The following MAPK12 variants were observed in gnomAD, a reference collection of about 807,000 sequenced individuals.
MAPK12 encodes the protein MAP kinase 12.
A neutral mutation model predicts 49.1 loss-of-function variants in MAPK12; 49 were observed. That is an observed-to-expected ratio of 1.00 (90% CI 0.79 to 1.27). The LOEUF (loss-of-function observed/expected upper bound fraction) is 1.27, where lower values mean the gene tolerates loss of function less well. Among genes scored for constraint, MAPK12 ranks in the 50% most tolerant of loss-of-function variants. The probability of loss-of-function intolerance (pLI) is 0.00; values close to 1 mark genes in which losing one functional copy is unlikely to be tolerated. For missense variants in MAPK12, 554 were observed against 502.4 expected (o/e 1.10, Z -0.98); for synonymous variants, 251 against 209.7 (o/e 1.20, Z -1.70).
chr22:50,255,639 A>C lies in MAPK12; in HGVS notation c.747T>G (p.Phe249Leu), dbSNP rs1249910714. The C allele has an allele frequency of 6.6e-7, 1 of 1,511,294 alleles. No individual in the cohort carries two copies. Among genetic ancestry groups the C allele is most frequent in the Non-Finnish European group, 8.9e-7 (1 of 1,126,242 alleles). The allele number at this position is 1,511,294 out of a possible 1,614,324, so 93.6% of individuals were successfully genotyped here. A position where few individuals can be genotyped will look rare whatever the true frequency, so the allele number is the denominator to read the frequency against. Reference protein sequence around the residue: ...MKVTGTPPAEFVQRLQSDEAK... With the variant: ...MKVTGTPPAELVQRLQSDEAK... Reference sequence around the variant, plus strand: ...CCTCATCGCTCTGCAGCCGCTGCACAAACTCAGCCGGAGGCGTCCCCGTCA... The same window carrying C: ...CCTCATCGCTCTGCAGCCGCTGCACCAACTCAGCCGGAGGCGTCCCCGTCA... The change falls in exon 9 of 12, where the codon TTT (phenylalanine) becomes TTG (leucine). Residue 249 changes from phenylalanine (F) to leucine (L), a missense_variant. Phe to Leu is a conservative substitution (Grantham distance 22). Transcript: ENST00000215659.
chr22:50,255,243 A>G lies in MAPK12; in HGVS notation c.978T>C (p.Tyr326=). The G allele has an allele frequency of 3.7e-6, 6 of 1,613,942 alleles. No individual in the cohort carries two copies. Among genetic ancestry groups the G allele is most frequent in the South Asian group, 1.1e-5 (1 of 91,092 alleles). Residue 326 remains tyrosine (Y), a synonymous_variant, in exon 11 of 12, where the codon TAT becomes TAC. Coordinates refer to ENST00000215659, the MANE Select transcript of MAPK12 (RefSeq NM_002969.6). ...DTEDEPQVQK[Y]DDSFDDVDRT... ...GGTCAACGTCGTCAAAGGAGTCATC[A>G]TACTTCTGGACCTGGGGCTCATCTT...
At chr22:50,258,395 C>T in intron 2 of MAPK12, 94 bp from the exon 3 acceptor site, 1 of 1,048,268 alleles carries the variant, frequency 9.5e-7, no homozygotes. Flanking sequence ...GAAACCCCCT[C>T]TGCAGCTGTC....
At chr22:50,253,543 G>C in intron 11 of MAPK12, 63 bp from the exon 12 acceptor site, 2 of 848,150 alleles carry the variant, frequency 2.4e-6, no homozygotes, top group Non-Finnish European at 3.9e-6. Context: ...TCCATCCTGG[G>C]AGTCGCTCAC....
intron 2 of MAPK12, among the ~76,000 whole-genome samples, chr22:50,260,176 A>G (rs912179307): frequency 6.6e-6 from 1 of 151,750 alleles, no homozygotes; most frequent in African/African-American, 2.4e-5. Flanking sequence ...CCTCAGAGAA[A>G]AAGACCCATC....
chr22:50,256,551 GA>G lies in MAPK12; in HGVS notation c.504+47del, dbSNP rs761289563. On this transcript the variant is annotated intron_variant, in intron 6 of 11. Coordinates refer to ENST00000215659, the MANE Select transcript of MAPK12 (RefSeq NM_002969.6). Reference sequence around the variant, plus strand: ...ACAGGTGGATAGATGGGCAGATCCAGAGGGGGCCCCTGCCCCACCTCAGGGC... The same window carrying G: ...ACAGGTGGATAGATGGGCAGATCCAGGGGGGCCCCTGCCCCACCTCAGGGC... 7 of 1,592,690 alleles carry G rather than the reference GA, an allele frequency of 4.4e-6. No homozygotes were observed. The East Asian group carries it at 1.3e-4, about 31-fold the overall frequency.
chr22:50,252,980 A>G lies in MAPK12; in HGVS notation c.*421T>C. 1 of 270,074 alleles carries G rather than the reference A, an allele frequency of 3.7e-6. No homozygotes were observed. The highest frequency in any genetic ancestry group is 3.7e-5 in the South Asian group (1 of 27,230). The allele number at this position is 270,074 out of a possible 1,614,324, so 16.7% of individuals were successfully genotyped here. A position where few individuals can be genotyped will look rare whatever the true frequency, so the allele number is the denominator to read the frequency against. On this transcript the variant is annotated 3_prime_UTR_variant, in exon 12 of 12. Transcript: ENST00000215659. ...GATTTACATTCCAGGCTGGGGGTGC[A>G]GGAAGGTCCACTGACGTCGCCCAGG...
At chr22:50,260,426 G>T (rs2065199490) in intron 2 of MAPK12, among the ~76,000 whole-genome samples, 1 of 152,132 alleles carries the variant, frequency 6.6e-6, no homozygotes, top group Non-Finnish European at 1.5e-5. Flanking sequence ...CAGTGGACAA[G>T]TGGGACTGTA....
chr22:50,258,963 G>A (rs908383896), intron 2 of MAPK12, among the ~76,000 whole-genome samples: 6 of 152,214 alleles, frequency 3.9e-5, no homozygotes, highest in African/African-American at 1.4e-4. Flanking sequence ...AAGAATACAG[G>A]GAGGGAGGCC....
At chr22:50,254,855 C>T (rs539021285) in intron 11 of MAPK12, 13 of 1,197,142 alleles carry the variant, frequency 1.1e-5, no homozygotes, top group African/African-American at 3.1e-5. Context: ...TCACCACTCC[C>T]GGCTCCTTCT....
Position 50,255,268 on chromosome 22 carries a change from T to C in MAPK12, c.953A>G (p.Glu318Gly), listed in dbSNP as rs201016559. The change falls in exon 11 of 12, where the codon GAA becomes GGA. Residue 318 changes from glutamate to glycine, a missense_variant. Transcript: ENST00000215659. The part of the protein sequence containing the change: ...HPYFESLHDT[E>G]DEPQVQKYDD... Reference sequence around the variant, plus strand: ...ATACTTCTGGACCTGGGGCTCATCTTCCGTGTCGTGCAGGGACTCGAAGTA... The same window carrying C: ...ATACTTCTGGACCTGGGGCTCATCTCCCGTGTCGTGCAGGGACTCGAAGTA... 2.1e-4 allele frequency: 343 copies of C among 1,613,756 alleles called. No individual in the cohort carries two copies. The highest frequency in any genetic ancestry group is 2.8e-4 in the Non-Finnish European group (327 of 1,180,024).
chr22:50,256,294 G>A (rs2065149915), intron 6 of MAPK12, 95 bp from the exon 7 acceptor site: 2 of 948,922 alleles, frequency 2.1e-6, no homozygotes, highest in East Asian at 5.1e-5. Flanking sequence ...TGGACTTGAA[G>A]CTCCCAAGCT....
In MAPK12 at chr22:50,255,796, C is replaced by T. The variant is rs768578561; in HGVS notation, c.691+14G>A. On this transcript the variant is annotated intron_variant, in intron 8 of 11. Coordinates refer to ENST00000215659, the MANE Select transcript of MAPK12 (RefSeq NM_002969.6). ...CCCACCCGCCCCTGGTGCCGCCCTG[C>T]GGCTGGAGGATACGGTCGCTGCCCT... The T allele has an allele frequency of 5.6e-6, 9 of 1,612,274 alleles. 1 individual carries two copies. The highest frequency in any genetic ancestry group is 5.5e-5 in the South Asian group (5 of 91,086).
chr22:50,253,342 T>A lies in MAPK12; in HGVS notation c.*59A>T. 1 of 1,260,682 alleles carries A rather than the reference T, an allele frequency of 7.9e-7. No individual in the cohort carries two copies. Among genetic ancestry groups the A allele is most frequent in the Non-Finnish European group, 1.1e-6 (1 of 883,200 alleles). 78.1% of individuals were successfully genotyped at this position (1,260,682 alleles called of 1,614,324 possible). A position where few individuals can be genotyped will look rare whatever the true frequency, so the allele number is the denominator to read the frequency against. On this transcript the variant is annotated 3_prime_UTR_variant, in exon 12 of 12. Coordinates refer to ENST00000215659, the MANE Select transcript of MAPK12 (RefSeq NM_002969.6). Reference sequence around the variant, plus strand: ...GCCAAGGTCAAGGTGGCAACGAGAGTCCCCTCTCAGGTGGAAGGTGAAGGT... The same window carrying A: ...GCCAAGGTCAAGGTGGCAACGAGAGACCCCTCTCAGGTGGAAGGTGAAGGT...
At chr22:50,260,447 A>G (rs2065199651) in intron 2 of MAPK12, among the ~76,000 whole-genome samples, 1 of 152,102 alleles carries the variant, frequency 6.6e-6, no homozygotes, top group Non-Finnish European at 1.5e-5. Context: ...TCCAGAAACC[A>G]GAGCACCCCT....
At chr22:50,254,336 CA>C (rs1424374256) in intron 11 of MAPK12, 4 of 153,130 alleles carry the variant, frequency 2.6e-5, no homozygotes, top group African/African-American at 7.2e-5. Flanking sequence ...TACAGTTGTC[CA>C]GGGGGGAGGG....
Position 50,255,185 on chromosome 22 carries a change from C to A in MAPK12, c.1024+12G>T. 1.9e-6 allele frequency: 3 copies of A among 1,613,420 alleles called. No individual in the cohort carries two copies. Among genetic ancestry groups the A allele is most frequent in the Non-Finnish European group, 2.5e-6 (3 of 1,179,914 alleles). ...GGGTCCACACAGGCCGTGCCAGGAGCCCCCCACTCACGCTTCCATTCATCC... is the reference window on the plus strand; with the variant it reads ...GGGTCCACACAGGCCGTGCCAGGAGACCCCCACTCACGCTTCCATTCATCC... On this transcript the variant is annotated intron_variant, in intron 11 of 11. Coordinates refer to ENST00000215659, the MANE Select transcript of MAPK12 (RefSeq NM_002969.6).
chr22:50,253,501 G>GGGGGA, intron 11 of MAPK12, 21 bp from the exon 12 acceptor site: 3 of 354,164 alleles, frequency 8.5e-6, no homozygotes, highest in South Asian at 2.1e-5. Context: ...TGGGGGGGCG[G>GGGGGA]GCACAACAGA....
chr22:50,253,810 C>G (rs1281723088), intron 11 of MAPK12: 5 of 393,718 alleles, frequency 1.3e-5, no homozygotes, highest in South Asian at 1.1e-4. Flanking sequence ...CAGCAGAAAC[C>G]TTTAATCAAA....
At chr22:50,261,135 G>C in intron 2 of MAPK12, 32 bp downstream of exon 2, 1 of 1,549,024 alleles carries the variant, frequency 6.5e-7, no homozygotes, top group Non-Finnish European at 8.7e-7. Context: ...CGAGGCCGCG[G>C]CGCCTTCCCG....
Sources: allele counts gnomAD v4.1 joint callset (sites outside exome capture counted in the v4.1 genomes callset), GRCh38; gene constraint gnomAD v4.1.1; transcripts MANE v1.5; gene names NCBI Gene and HGNC (gene_info 2026-07-23, HGNC 2026-07-21).